The following SYNPR variants were observed in gnomAD, a reference collection of about 807,000 sequenced individuals.
SYNPR encodes synaptoporin.
In SYNPR, 23 loss-of-function variants were observed where a neutral mutation model predicts 32.9. The observed-to-expected ratio is 0.70, with a 90% CI of 0.50 to 0.99. The LOEUF (loss-of-function observed/expected upper bound fraction) is 0.99. SYNPR is among the 50% of genes least tolerant of loss of function. SYNPR has a pLI of 0.00. For synonymous variants in SYNPR, 146 were observed against 135.9 expected (o/e 1.07, Z -0.52); for missense variants, 318 against 349.3 (o/e 0.91, Z 0.71).
chr3:63,512,872 G>T (rs141210535), intron 3 of SYNPR, among the ~76,000 whole-genome samples: 1 of 152,080 alleles, frequency 6.6e-6, no homozygotes, highest in Non-Finnish European at 1.5e-5. Flanking sequence ...CTAATACGGG[G>T]TTCAAAAGGC....
At chr3:63,386,597 A>C (rs1012313462) in intron 2 of SYNPR, among the ~76,000 whole-genome samples, 1 of 107,820 alleles carries the variant, frequency 9.3e-6, no homozygotes, top group African/African-American at 4.8e-5. Context: ...GAGTTGGATT[A>C]TATTTACTTC....
intron 3 of SYNPR, among the ~76,000 whole-genome samples, chr3:63,512,214 C>G (rs1364956767): frequency 5.9e-5 from 9 of 152,076 alleles, no homozygotes; most frequent in African/African-American, 1.7e-4. Context: ...TAGTTTCTCT[C>G]TCTCGTCTCA....
chr3:63,333,702 G>A (rs2087254714), intron 2 of SYNPR, among the ~76,000 whole-genome samples: 1 of 152,134 alleles, frequency 6.6e-6, no homozygotes, highest in Non-Finnish European at 1.5e-5. Context: ...ACAGGTACGA[G>A]CCACTATTCC....
chr3:63,612,372 T>C (rs1032094541), intron 5 of SYNPR, among the ~76,000 whole-genome samples: 1 of 152,232 alleles, frequency 6.6e-6, no homozygotes, highest in African/African-American at 2.4e-5. Flanking sequence ...TTTTAGTCTC[T>C]CAATTTCTTT....
At chr3:63,357,621 G>A (rs559971502) in intron 2 of SYNPR, among the ~76,000 whole-genome samples, 1 of 152,288 alleles carries the variant, frequency 6.6e-6, no homozygotes, top group Non-Finnish European at 1.5e-5. Context: ...CTGTGTGTCT[G>A]TTCAGGGGAG....
At chr3:63,525,072 T>C (rs1465698766) in intron 3 of SYNPR, among the ~76,000 whole-genome samples, 3 of 152,072 alleles carry the variant, frequency 2.0e-5, no homozygotes, top group South Asian at 2.1e-4. Context: ...GAATACATGA[T>C]GGAGAGCGAC....
intron 2 of SYNPR, among the ~76,000 whole-genome samples, chr3:63,355,007 G>A (rs2087557366): frequency 6.6e-6 from 1 of 152,194 alleles, no homozygotes. Context: ...GGCCAGGAAT[G>A]GTGGCTCATG....
intron 2 of SYNPR, among the ~76,000 whole-genome samples, chr3:63,255,898 G>C (rs1404359989): frequency 1.3e-5 from 2 of 152,232 alleles, no homozygotes; most frequent in Non-Finnish European, 2.9e-5. Flanking sequence ...AATGGTGTTA[G>C]CAAACGGCAC....
intron 2 of SYNPR, among the ~76,000 whole-genome samples, chr3:63,326,449 CAAT>C (rs1035923611): frequency 3.5e-4 from 53 of 152,066 alleles, no homozygotes; most frequent in Non-Finnish European, 1.5e-5. Flanking sequence ...CTGTTAGGGA[CAAT>C]AATGAAGCCA....
At chr3:63,598,129 TAA>T (rs1480614957) in intron 4 of SYNPR, among the ~76,000 whole-genome samples, 1 of 152,102 alleles carries the variant, frequency 6.6e-6, no homozygotes, top group African/African-American at 2.4e-5. Flanking sequence ...AAACAGACAA[TAA>T]AGTCATTGGA....
intron 4 of SYNPR, among the ~76,000 whole-genome samples, chr3:63,560,247 A>G (rs912898049): frequency 6.6e-6 from 1 of 152,226 alleles, no homozygotes; most frequent in South Asian, 2.1e-4. Flanking sequence ...AAGTTAATTT[A>G]AAGATGAGCC....
rs191328944 is a variant in SYNPR, at chr3:63,315,544, G to T, written c.84+36802G>T. On this transcript the variant is annotated intron_variant, in intron 2 of 5. Coordinates refer to ENST00000478300, the MANE Select transcript of SYNPR (RefSeq NM_001130003.2). Reference sequence around the variant, plus strand: ...TCTTGATTTGATTTTCTGTTTGGTCGCTGTTGATGTATAAAAGAGCTACTG... The same window carrying T: ...TCTTGATTTGATTTTCTGTTTGGTCTCTGTTGATGTATAAAAGAGCTACTG... 2.3e-3 allele frequency among the ~76,000 whole-genome samples: 356 copies of T among 151,938 alleles called. 2 individuals are homozygous for T. The highest frequency in any genetic ancestry group is 3.9e-3 in the Non-Finnish European group (263 of 67,878).
intron 2 of SYNPR, among the ~76,000 whole-genome samples, chr3:63,393,445 CCCTT>C (rs1276276745): frequency 1.3e-5 from 2 of 149,278 alleles, no homozygotes; most frequent in Non-Finnish European, 1.5e-5. Flanking sequence ...TTCTTGTTTT[CCCTT>C]CCTTCCTTCC....
intron 4 of SYNPR, among the ~76,000 whole-genome samples, chr3:63,570,027 A>G (rs1225170922): frequency 6.6e-6 from 1 of 152,118 alleles, no homozygotes; most frequent in East Asian, 1.9e-4. Flanking sequence ...CGCAGCTTTC[A>G]TTGGCTTTGT....
intron 2 of SYNPR, among the ~76,000 whole-genome samples, chr3:63,475,598 C>T (rs761711928): frequency 2.4e-4 from 36 of 152,212 alleles, no homozygotes; most frequent in Non-Finnish European, 1.2e-4. Context: ...AAGAGCATAG[C>T]GCGCACACAC....
rs1380084558 is a variant in SYNPR at position 63,450,188 on chromosome 3, G to A, written c.85-30644G>A. Among the ~76,000 whole-genome samples the A allele has an allele frequency of 5.3e-5, 8 of 152,190 alleles. No homozygotes were observed. In the South Asian group the frequency reaches 1.2e-3, roughly 24 times the overall value. ...TCTTAGAGTCTCCCCAGTAGTTCACGGAATGTAGAGTGATTATTGCAAAAG... is the reference window on the plus strand; with the variant it reads ...TCTTAGAGTCTCCCCAGTAGTTCACAGAATGTAGAGTGATTATTGCAAAAG... On this transcript the variant is annotated intron_variant, in intron 2 of 5. Coordinates refer to ENST00000478300, the MANE Select transcript of SYNPR (RefSeq NM_001130003.2).
chr3:63,211,247 T>C, the SYNPR span, among the ~76,000 whole-genome samples: 3 of 152,140 alleles, frequency 2.0e-5, no homozygotes, highest in Non-Finnish European at 4.4e-5. Context: ...TTTATATTTT[T>C]AGTAGAGATG....
At chr3:63,298,000 C>T (rs931387151) in intron 2 of SYNPR, among the ~76,000 whole-genome samples, 1 of 152,086 alleles carries the variant, frequency 6.6e-6, no homozygotes, top group Admixed American at 6.6e-5. Flanking sequence ...GTATGACTCC[C>T]AAGCAGCAAG....
chr3:63,489,814 G>C (rs1701225920), intron 3 of SYNPR, among the ~76,000 whole-genome samples: 2 of 152,158 alleles, frequency 1.3e-5, no homozygotes, highest in Admixed American at 1.3e-4. Context: ...AGTGGGAGTG[G>C]AGAGGATCAA....
Sources: gnomAD v4.1 joint callset for allele counts (sites outside exome capture counted in the v4.1 genomes callset) on GRCh38, gnomAD v4.1.1 for gene constraint, MANE v1.5 for transcripts, NCBI Gene and HGNC (gene_info 2026-07-23, HGNC 2026-07-21) for gene names.